PTBP2: variants seen among roughly 807,000 people sequenced by gnomAD.
PTBP2 encodes polypyrimidine tract binding protein 2, also known as polypyrimidine tract-binding protein 2.
In PTBP2, 13 loss-of-function variants were observed where a neutral mutation model predicts 61.4. That is an observed-to-expected ratio of 0.21 (90% CI 0.14 to 0.34). PTBP2 has a LOEUF of 0.34. Among genes scored for constraint, PTBP2 ranks in the 10% least tolerant of loss-of-function variants. The pLI, the probability that PTBP2 is intolerant of heterozygous loss-of-function variation, is 1.00. For synonymous variants in PTBP2, 215 were observed against 218.5 expected (o/e 0.98, Z 0.14); for missense variants, 405 against 642.6 (o/e 0.63, Z 4.00).
chr1:96,809,746 A>T (rs1263524379), intron 11 of PTBP2, among the ~76,000 whole-genome samples: 1 of 152,132 alleles, frequency 6.6e-6, no homozygotes, highest in African/African-American at 2.4e-5. Flanking sequence ...AGTTATTTTA[A>T]TGGGAATATA....
chr1:96,751,028 C>T (rs12069331), intron 2 of PTBP2, among the ~76,000 whole-genome samples: 1 of 152,078 alleles, frequency 6.6e-6, no homozygotes, highest in East Asian at 1.9e-4. Flanking sequence ...GAATGAAGTT[C>T]TAATTTTCTA....
At chr1:96,726,765 A>C (rs1373158023) in intron 2 of PTBP2, among the ~76,000 whole-genome samples, 1 of 151,980 alleles carries the variant, frequency 6.6e-6, no homozygotes, top group African/African-American at 2.4e-5. Context: ...TTGTATTTTT[A>C]GTAGAGACAG....
chr1:96,782,609 T>C (rs1658803113), intron 7 of PTBP2, among the ~76,000 whole-genome samples: 1 of 152,028 alleles, frequency 6.6e-6, no homozygotes, highest in Non-Finnish European at 1.5e-5. Flanking sequence ...GTCTGAAGTA[T>C]TACATTAGTA....
In PTBP2 at chr1:96,813,600, T is replaced by C. The variant is rs1351048606; in HGVS notation, c.*195T>C. Reference sequence around the variant, plus strand: ...ATGTAAAGGCAGAGTTGTTAACTGCTATATTTCATCTGTTCTATAGGGAAG... The same window carrying C: ...ATGTAAAGGCAGAGTTGTTAACTGCCATATTTCATCTGTTCTATAGGGAAG... On this transcript the variant is annotated 3_prime_UTR_variant, in exon 14 of 14. Coordinates refer to ENST00000674951, the MANE Select transcript of PTBP2 (RefSeq NM_021190.4). The C allele has an allele frequency of 1.4e-5, 6 of 433,238 alleles. No individual in the cohort carries two copies. The highest frequency in any genetic ancestry group is 1.1e-3 in the Middle Eastern group (2 of 1,818). 26.8% of individuals were successfully genotyped at this position (433,238 alleles called of 1,614,324 possible).
intron 1 of PTBP2, among the ~76,000 whole-genome samples, chr1:96,722,664 C>G (rs1451241523): frequency 6.6e-6 from 1 of 152,182 alleles, no homozygotes; most frequent in Non-Finnish European, 1.5e-5. Flanking sequence ...ACAGCAATGG[C>G]AGAAACAAGA....
chr1:96,788,369 A>G (rs1284871416), intron 8 of PTBP2, among the ~76,000 whole-genome samples: 1 of 152,106 alleles, frequency 6.6e-6, no homozygotes, highest in Non-Finnish European at 1.5e-5. Flanking sequence ...CATTTGTAGG[A>G]CATGAAGACA....
downstream of PTBP2, chr1:96,817,753 GTATTT>G (rs1407389566): frequency 2.6e-5 from 4 of 151,974 alleles, no homozygotes; most frequent in Non-Finnish European, 5.9e-5. Context: ...CTTCAGTTTA[GTATTT>G]TATTATTCAG....
intron 3 of PTBP2, among the ~76,000 whole-genome samples, chr1:96,760,895 AC>A (rs2100962060): frequency 6.6e-6 from 1 of 152,326 alleles, no homozygotes; most frequent in African/African-American, 2.4e-5. Flanking sequence ...ACTTGAAATA[AC>A]CCAAATGTTT....
intron 2 of PTBP2, among the ~76,000 whole-genome samples, chr1:96,723,952 A>G (rs998622182): frequency 6.6e-6 from 1 of 152,162 alleles, no homozygotes; most frequent in Admixed American, 6.5e-5. Flanking sequence ...TGTTAATCTA[A>G]GTTTTTTGTT....
chr1:96,778,366 CTA>C lies in PTBP2; in HGVS notation c.708+426_708+427del, dbSNP rs1658275311. On this transcript the variant is annotated intron_variant, in intron 7 of 13. Transcript: ENST00000674951. Reference sequence around the variant, plus strand: ...TGATAGGCTCTCAGTTTATTTAAAACTATATATTCTCTTTAATGTCTTTTTTT... The same window carrying C: ...TGATAGGCTCTCAGTTTATTTAAAACTATATTCTCTTTAATGTCTTTTTTT... Among the ~76,000 whole-genome samples, 3 of 143,306 alleles carry C rather than the reference CTA, an allele frequency of 2.1e-5. 1 individual carries two copies. In the South Asian group the frequency reaches 6.9e-4, roughly 33 times the overall value. The allele number at this position is 143,306 out of a possible 152,430, so 94.0% of individuals were successfully genotyped here.
At position 96,722,752 on chromosome 1, in the gene PTBP2, A is replaced by G. The variant is rs537422143; in HGVS notation, c.9-812A>G. On this transcript the variant is annotated intron_variant, in intron 1 of 13. Transcript: ENST00000674951. ...AAAACGACTATAAAAACCCAGAACC[A>G]TGCTGCATCTTTGCGAACCTGAGTC... Among the ~76,000 whole-genome samples the G allele has an allele frequency of 8.5e-5, 13 of 152,342 alleles. No individual in the cohort carries two copies. The Middle Eastern group carries it at 0.01, about 120-fold the overall frequency.
chr1:96,818,176 A>G (rs1662552381), downstream of PTBP2: 1 of 152,026 alleles, frequency 6.6e-6, no homozygotes, highest in Admixed American at 6.6e-5. Flanking sequence ...TCCCATTTCA[A>G]TGGACAGAAA....
intron 2 of PTBP2, among the ~76,000 whole-genome samples, chr1:96,727,903 T>C (rs1323892500): frequency 1.3e-5 from 2 of 152,162 alleles, no homozygotes; most frequent in Non-Finnish European, 2.9e-5. Flanking sequence ...TTTTTTCTTT[T>C]ATGGATTGTA....
chr1:96,794,028 A>G (rs1660118305), intron 8 of PTBP2, among the ~76,000 whole-genome samples: 1 of 152,232 alleles, frequency 6.6e-6, no homozygotes. Context: ...CTGATCATCC[A>G]TTAAAAACTT....
intron 2 of PTBP2, 32 bp from the exon 3 acceptor site, chr1:96,751,393 T>A: frequency 6.7e-7 from 1 of 1,490,462 alleles, no homozygotes; most frequent in South Asian, 1.1e-5. Flanking sequence ...AATTTAAAGA[T>A]GTCTTATGCT....
chr1:96,816,796 GCTCTGCTCCC>G (rs1449224802), downstream of PTBP2: 2 of 152,066 alleles, frequency 1.3e-5, no homozygotes, highest in Non-Finnish European at 2.9e-5. Flanking sequence ...AATAAGTTCT[GCTCTGCTCCC>G]CTCACAGGAT....
At chr1:96,762,630 G>GC (rs1308422063) in intron 3 of PTBP2, among the ~76,000 whole-genome samples, 6 of 144,616 alleles carry the variant, frequency 4.1e-5, no homozygotes, top group Non-Finnish European at 7.6e-5. Flanking sequence ...GGGCAGAGGC[G>GC]CCCCTCACCT....
rs41302806 is a variant in PTBP2, at chr1:96,814,576, A to T, written c.*1171A>T. ...TGGCTCAGAATCTACAGGTCAAATT[A>T]ATTTGAACAGTTCTTGTCAATCCGA... On this transcript the variant is annotated 3_prime_UTR_variant, in exon 14 of 14. Coordinates refer to ENST00000674951, the MANE Select transcript of PTBP2 (RefSeq NM_021190.4). 4,271 of 152,624 alleles carry T rather than the reference A, an allele frequency of 0.028. 121 individuals carry two copies. Among genetic ancestry groups the T allele is most frequent in the South Asian group, 0.13 (649 of 4,822 alleles). 9.5% of individuals were successfully genotyped at this position (152,624 alleles called of 1,614,324 possible). A position where few individuals can be genotyped will look rare whatever the true frequency, so the allele number is the denominator to read the frequency against.
chr1:96,766,005 C>T (rs1230707506), intron 3 of PTBP2, among the ~76,000 whole-genome samples: 2 of 151,962 alleles, frequency 1.3e-5, no homozygotes, highest in African/African-American at 4.8e-5. Flanking sequence ...AACAAATTAC[C>T]CATGATCCTT....
Sources: gnomAD v4.1 joint callset for allele counts (sites outside exome capture counted in the v4.1 genomes callset) on GRCh38, gnomAD v4.1.1 for gene constraint, MANE v1.5 for transcripts, NCBI Gene and HGNC (gene_info 2026-07-23, HGNC 2026-07-21) for gene names.